Variants in SUGCT observed in about 807,000 individuals in gnomAD.
SUGCT encodes the protein succinyl-CoA:glutarate-CoA transferase, also known as succinyl-CoA:glutarate CoA-transferase.
In SUGCT, 41 loss-of-function variants were observed where a neutral mutation model predicts 55.0. The ratio of observed to expected loss-of-function variants is 0.74; its 90% CI spans 0.58 to 0.97. The LOEUF (loss-of-function observed/expected upper bound fraction) is 0.97. Ranked by LOEUF, SUGCT falls within the 50% of genes least tolerant of loss-of-function variation. The probability of loss-of-function intolerance (pLI) is 0.00; values close to 1 mark genes in which losing one functional copy is unlikely to be tolerated. For synonymous variants in SUGCT, 187 were observed against 200.4 expected (o/e 0.93, Z 0.56); for missense variants, 568 against 547.8 (o/e 1.04, Z -0.37).
chr7:41,027,874 G>A, the SUGCT span, among the ~76,000 whole-genome samples: 4 of 152,220 alleles, frequency 2.6e-5, no homozygotes, highest in East Asian at 1.9e-4. Context: ...CACAACATGC[G>A]GGGGCTCCAA....
intron 13 of SUGCT, among the ~76,000 whole-genome samples, chr7:40,757,909 C>T (rs1788338643): frequency 1.3e-5 from 2 of 152,100 alleles, no homozygotes; most frequent in Admixed American, 6.5e-5. Flanking sequence ...CTTTCTGGAT[C>T]AACTTTAAGT....
At chr7:40,347,625 C>T (rs558079616) in intron 9 of SUGCT, among the ~76,000 whole-genome samples, 44 of 152,260 alleles carry the variant, frequency 2.9e-4, no homozygotes, top group Non-Finnish European at 5.6e-4. Flanking sequence ...TGAGAAAGCA[C>T]GTTCAGAAGA....
In SUGCT at chr7:40,704,386, C is replaced by T. The variant is rs1013439028; in HGVS notation, c.1090-45048C>T. 5.3e-5 allele frequency among the ~76,000 whole-genome samples: 8 copies of T among 151,836 alleles called. No homozygotes were observed. In the East Asian group the frequency reaches 7.7e-4, roughly 15 times the overall value. On this transcript the variant is annotated intron_variant, in intron 12 of 13. Transcript: ENST00000335693. ...TGTCACAAGGGGGCTCTTACAAGCA[C>T]GCCATTACCTAACCAAGTGGACAAT...
chr7:40,712,176 A>G (rs144556669), intron 12 of SUGCT, among the ~76,000 whole-genome samples: 80 of 152,352 alleles, frequency 5.3e-4, no homozygotes, highest in African/African-American at 1.7e-3. Context: ...CCATGTCTGA[A>G]TATTCAAATT....
intron 12 of SUGCT, among the ~76,000 whole-genome samples, chr7:40,667,106 C>CACAA (rs1303279065): frequency 1.7e-4 from 17 of 98,426 alleles, no homozygotes; most frequent in East Asian, 8.1e-4. Flanking sequence ...GATCCTATCT[C>CACAA]AAAAAAAAAA....
chr7:40,485,523 T>G (rs1431839827), intron 11 of SUGCT, among the ~76,000 whole-genome samples: 1 of 143,504 alleles, frequency 7.0e-6, no homozygotes, highest in African/African-American at 2.6e-5. Flanking sequence ...CCTCCCAAGC[T>G]CAAGTGGTGC....
At chr7:40,463,820 G>A (rs1487610774) in intron 11 of SUGCT, among the ~76,000 whole-genome samples, 1 of 152,146 alleles carries the variant, frequency 6.6e-6, no homozygotes, top group Non-Finnish European at 1.5e-5. Flanking sequence ...CAGAAAGTAT[G>A]TTTACCCAGC....
At chr7:40,516,272 C>T (rs1453143948) in intron 12 of SUGCT, among the ~76,000 whole-genome samples, 2 of 152,128 alleles carry the variant, frequency 1.3e-5, no homozygotes, top group East Asian at 3.8e-4. Context: ...CAAATATTAT[C>T]TTCCATTCTG....
intron 8 of SUGCT, among the ~76,000 whole-genome samples, chr7:40,275,293 C>T (rs1314298427): frequency 3.9e-5 from 6 of 152,104 alleles, no homozygotes; most frequent in Non-Finnish European, 4.4e-5. Flanking sequence ...TTTTATGTGC[C>T]ACGAACCCCT....
intron 7 of SUGCT, 70 bp from the exon 8 acceptor site, chr7:40,274,443 G>T: frequency 6.6e-7 from 1 of 1,518,124 alleles, no homozygotes; most frequent in Non-Finnish European, 9.0e-7. Context: ...CACATTAGAA[G>T]ATTTGAGAAA....
chr7:40,642,047 A>G (rs944331448), intron 12 of SUGCT, among the ~76,000 whole-genome samples: 15 of 152,110 alleles, frequency 9.9e-5, no homozygotes, highest in Non-Finnish European at 1.3e-4. Flanking sequence ...TGATGTTTGA[A>G]TTTCCCTTCC....
intron 3 of SUGCT, among the ~76,000 whole-genome samples, chr7:40,187,692 C>T (rs10280275): frequency 5.3e-5 from 8 of 152,134 alleles, no homozygotes; most frequent in Non-Finnish European, 8.8e-5. Flanking sequence ...GAGGCCTAGG[C>T]GGCTGGGTCA....
chr7:40,195,370 G>A (rs1257531396), intron 6 of SUGCT, among the ~76,000 whole-genome samples: 1 of 151,314 alleles, frequency 6.6e-6, no homozygotes, highest in African/African-American at 2.4e-5. Context: ...TACCAGGCAC[G>A]CGCCACCACG....
the SUGCT span, among the ~76,000 whole-genome samples, chr7:40,906,501 C>A: frequency 6.6e-6 from 1 of 152,100 alleles, no homozygotes. Context: ...GGTTCCACAT[C>A]TTCAGATTAA....
At chr7:40,765,454 C>T (rs1331115599) in intron 13 of SUGCT, among the ~76,000 whole-genome samples, 1 of 136,006 alleles carries the variant, frequency 7.4e-6, no homozygotes, top group African/African-American at 2.6e-5. Flanking sequence ...CTTTCAGGGA[C>T]ATGCCATTAA....
At chr7:40,196,953 G>A (rs1786325498) in intron 6 of SUGCT, among the ~76,000 whole-genome samples, 1 of 152,018 alleles carries the variant, frequency 6.6e-6, no homozygotes, top group African/African-American at 2.4e-5. Context: ...TCCTGCCTCA[G>A]CCACCCGAGT....
At chr7:40,246,509 C>T (rs1039557554) in intron 7 of SUGCT, among the ~76,000 whole-genome samples, 1 of 152,048 alleles carries the variant, frequency 6.6e-6, no homozygotes, top group Non-Finnish European at 1.5e-5. Flanking sequence ...CCTTGGCCTC[C>T]CAAAGTGCTG....
chr7:40,336,942 T>A (rs1425928471), intron 9 of SUGCT, among the ~76,000 whole-genome samples: 1 of 152,202 alleles, frequency 6.6e-6, no homozygotes, highest in Non-Finnish European at 1.5e-5. Flanking sequence ...GATTCTGGTA[T>A]GTTGTGTCTT....
intron 1 of SUGCT, among the ~76,000 whole-genome samples, chr7:40,167,796 G>A (rs1784488992): frequency 6.6e-6 from 1 of 152,182 alleles, no homozygotes; most frequent in African/African-American, 2.4e-5. Context: ...CTGGAGGGGT[G>A]GAAGTCAGCG....
Sources: gnomAD v4.1 joint callset for allele counts (sites outside exome capture counted in the v4.1 genomes callset) on GRCh38, gnomAD v4.1.1 for gene constraint, MANE v1.5 for transcripts, NCBI Gene and HGNC (gene_info 2026-07-23, HGNC 2026-07-21) for gene names.